NKAIN2: variants seen among roughly 807,000 people sequenced by gnomAD.
NKAIN2 encodes the protein sodium/potassium transporting ATPase interacting 2.
NKAIN2 carries 14 observed loss-of-function variants against 32.6 expected under a neutral mutation model. The observed-to-expected ratio is 0.43, with a 90% CI of 0.28 to 0.67. The LOEUF (loss-of-function observed/expected upper bound fraction) is 0.67. Ranked by LOEUF, NKAIN2 falls within the 30% of genes least tolerant of loss-of-function variation. The probability of loss-of-function intolerance (pLI) is 0.17; values close to 1 mark genes in which losing one functional copy is unlikely to be tolerated. For missense variants in NKAIN2, 198 were observed against 258.3 expected, an observed-to-expected ratio of 0.77 and a Z score of 1.60; for synonymous variants, 80 against 87.2, an observed-to-expected ratio of 0.92 and a Z score of 0.46.
At chr6:124,062,287 CA>C (rs1310397588) in intron 1 of NKAIN2, among the ~76,000 whole-genome samples, 3 of 152,094 alleles carry the variant, frequency 2.0e-5, no homozygotes, top group Non-Finnish European at 4.4e-5. Flanking sequence ...TATAAACCCC[CA>C]GTATAGGACA....
At chr6:124,431,772 A>G (rs147889966) in intron 3 of NKAIN2, among the ~76,000 whole-genome samples, 1 of 152,338 alleles carries the variant, frequency 6.6e-6, no homozygotes, top group African/African-American at 2.4e-5. Flanking sequence ...TAACACACAC[A>G]CACATATATA....
At chr6:124,246,728 C>G (rs1198058159) in intron 1 of NKAIN2, among the ~76,000 whole-genome samples, 2 of 152,036 alleles carry the variant, frequency 1.3e-5, no homozygotes, top group African/African-American at 4.8e-5. Flanking sequence ...AGCACTGATT[C>G]TCTCAACTAA....
chr6:123,933,529 G>A (rs926173105), intron 1 of NKAIN2, among the ~76,000 whole-genome samples: 1 of 152,182 alleles, frequency 6.6e-6, no homozygotes. Flanking sequence ...GAATAAAGAA[G>A]ACTGAAAAGC....
intron 1 of NKAIN2, among the ~76,000 whole-genome samples, chr6:123,974,809 A>G (rs1206049672): frequency 6.6e-6 from 1 of 152,202 alleles, no homozygotes; most frequent in Non-Finnish European, 1.5e-5. Context: ...GAACATTTTA[A>G]TGGAACTCAG....
chr6:124,483,208 A>G (rs555332429), intron 3 of NKAIN2, among the ~76,000 whole-genome samples: 1 of 152,320 alleles, frequency 6.6e-6, no homozygotes, highest in African/African-American at 2.4e-5. Flanking sequence ...AAATGCTTCT[A>G]TTATAATGAA....
intron 1 of NKAIN2, among the ~76,000 whole-genome samples, chr6:123,866,646 G>T (rs1377802773): frequency 6.6e-6 from 1 of 152,072 alleles, no homozygotes; most frequent in Non-Finnish European, 1.5e-5. Context: ...TAGCCAGGAT[G>T]GTCTCGAACT....
At chr6:124,521,814 T>C (rs577774273) in intron 3 of NKAIN2, among the ~76,000 whole-genome samples, 1 of 152,278 alleles carries the variant, frequency 6.6e-6, no homozygotes, top group South Asian at 2.1e-4. Flanking sequence ...ATATCTGTAA[T>C]ACTAAAAACT....
intron 3 of NKAIN2, among the ~76,000 whole-genome samples, chr6:124,554,559 C>T (rs1453970528): frequency 1.3e-5 from 2 of 152,150 alleles, no homozygotes; most frequent in African/African-American, 4.8e-5. Context: ...TTCTCTGAGT[C>T]CATAATTTAT....
intron 3 of NKAIN2, among the ~76,000 whole-genome samples, chr6:124,474,886 A>ATTGTATAT (rs1404723827): frequency 4.1e-5 from 2 of 48,976 alleles, no homozygotes; most frequent in East Asian, 6.7e-4. Flanking sequence ...TGTATATTAT[A>ATTGTATAT]TATTATATAT....
At chr6:123,871,289 T>A (rs944309069) in intron 1 of NKAIN2, among the ~76,000 whole-genome samples, 8 of 152,208 alleles carry the variant, frequency 5.3e-5, no homozygotes, top group Non-Finnish European at 1.2e-4. Context: ...TATTATTGAT[T>A]TATTTGTTCA....
intron 4 of NKAIN2, among the ~76,000 whole-genome samples, chr6:124,748,079 G>A (rs1777526119): frequency 6.6e-6 from 1 of 151,898 alleles, no homozygotes; most frequent in Non-Finnish European, 1.5e-5. Flanking sequence ...CAACAGTCAT[G>A]AAAATCACAC....
chr6:124,727,789 CA>C (rs202136235), intron 4 of NKAIN2, among the ~76,000 whole-genome samples: 83,649 of 145,540 alleles, frequency 0.57, 24,090 homozygotes, highest in East Asian at 0.69. Context: ...CAAGACCCAT[CA>C]GTGTGCTGTA....
At chr6:124,657,240 C>T (rs960507938) in intron 3 of NKAIN2, among the ~76,000 whole-genome samples, 3 of 152,148 alleles carry the variant, frequency 2.0e-5, no homozygotes, top group Admixed American at 6.6e-5. Flanking sequence ...ATCTTGTGGC[C>T]ATAACTATCA....
At chr6:124,074,614 T>C (rs1295851982) in intron 1 of NKAIN2, among the ~76,000 whole-genome samples, 1 of 152,190 alleles carries the variant, frequency 6.6e-6, no homozygotes, top group East Asian at 1.9e-4. Context: ...AGTGCTTCTC[T>C]GGTTCCAACC....
At chr6:124,223,181 C>G (rs978304285) in intron 1 of NKAIN2, among the ~76,000 whole-genome samples, 4 of 138,038 alleles carry the variant, frequency 2.9e-5, no homozygotes, top group African/African-American at 1.1e-4. Context: ...CCACTGTACT[C>G]CAGCCTGGGC....
chr6:124,436,707 G>T (rs541468888), intron 3 of NKAIN2, among the ~76,000 whole-genome samples: 1 of 152,156 alleles, frequency 6.6e-6, no homozygotes, highest in African/African-American at 2.4e-5. Flanking sequence ...CTGCCAACCT[G>T]GTCCAGGCCA....
chr6:124,025,638 A>G (rs913963726), intron 1 of NKAIN2, among the ~76,000 whole-genome samples: 3 of 152,192 alleles, frequency 2.0e-5, no homozygotes, highest in Non-Finnish European at 4.4e-5. Context: ...ACTGTAGTTA[A>G]TAATAGTGTA....
At chr6:124,662,194 G>A (rs1048584727) in intron 4 of NKAIN2, among the ~76,000 whole-genome samples, 1 of 152,202 alleles carries the variant, frequency 6.6e-6, no homozygotes, top group African/African-American at 2.4e-5. Flanking sequence ...TGAGGGGAAT[G>A]AAGAGGGATG....
intron 4 of NKAIN2, among the ~76,000 whole-genome samples, chr6:124,702,891 C>G (rs1774870269): frequency 1.3e-5 from 2 of 152,060 alleles, no homozygotes; most frequent in Admixed American, 6.6e-5. Context: ...GGAATATATT[C>G]CTTAAATATA....
Sources: gnomAD v4.1 joint callset for allele counts (sites outside exome capture counted in the v4.1 genomes callset) on GRCh38, gnomAD v4.1.1 for gene constraint, MANE v1.5 for transcripts, NCBI Gene and HGNC (gene_info 2026-07-23, HGNC 2026-07-21) for gene names.